Variants in NLGN1 observed in about 807,000 individuals in gnomAD.
NLGN1 encodes the protein neuroligin-1.
NLGN1 carries 12 observed loss-of-function variants against 65.5 expected under a neutral mutation model. The ratio of observed to expected loss-of-function variants is 0.18; its 90% CI spans 0.12 to 0.30. The LOEUF (loss-of-function observed/expected upper bound fraction) is 0.30, where lower values mean the gene tolerates loss of function less well. Ranked by LOEUF, NLGN1 falls within the 10% of genes least tolerant of loss-of-function variation. The probability of loss-of-function intolerance (pLI) is 1.00; values close to 1 mark genes in which losing one functional copy is unlikely to be tolerated. For missense variants in NLGN1, 750 were observed against 1,007.1 expected, an observed-to-expected ratio of 0.74 and a Z score of 3.46; for synonymous variants, 350 against 359.5, an observed-to-expected ratio of 0.97 and a Z score of 0.30.
At chr3:174,109,489 C>G (rs950122610) in intron 4 of NLGN1, among the ~76,000 whole-genome samples, 2 of 152,006 alleles carry the variant, frequency 1.3e-5, no homozygotes, top group African/African-American at 4.8e-5. Flanking sequence ...TTTGACCATG[C>G]ACATTTTATT....
At chr3:174,028,383 C>CAGATGGACATG (rs1233860921) in intron 4 of NLGN1, among the ~76,000 whole-genome samples, 1 of 152,190 alleles carries the variant, frequency 6.6e-6, no homozygotes, top group African/African-American at 2.4e-5. Context: ...GAAATGGTCT[C>CAGATGGACATG]AGATGGACAT....
At chr3:173,703,220 C>A (rs1352492532) in intron 3 of NLGN1, among the ~76,000 whole-genome samples, 1 of 151,972 alleles carries the variant, frequency 6.6e-6, no homozygotes, top group Non-Finnish European at 1.5e-5. Flanking sequence ...TTTATAGAAC[C>A]AAATTAGTAC....
intron 3 of NLGN1, among the ~76,000 whole-genome samples, chr3:173,696,575 G>C (rs1427585975): frequency 1.3e-5 from 2 of 152,124 alleles, no homozygotes; most frequent in Non-Finnish European, 2.9e-5. Context: ...GCATCGTTGA[G>C]GAAGGAGTAG....
chr3:173,685,624 T>C lies in NLGN1; in HGVS notation c.493+80533T>C. 10 of 984,388 alleles carry C rather than the reference T, an allele frequency of 1.0e-5. No homozygotes were observed. The South Asian group carries it at 3.3e-4, about 32-fold the overall frequency. 61.0% of individuals were successfully genotyped at this position (984,388 alleles called of 1,614,324 possible). The stretch of plus-strand genomic sequence containing the variant: ...TTATCAGAGATAGGCTGGAAGTCAA[T>C]GATTTAAGATGGTGAGCTCTAAGTT... On this transcript the variant is annotated intron_variant, in intron 3 of 6. Transcript: ENST00000457714.
chr3:173,849,919 A>G (rs139331505), intron 4 of NLGN1, among the ~76,000 whole-genome samples: 1 of 152,316 alleles, frequency 6.6e-6, no homozygotes, highest in East Asian at 1.9e-4. Flanking sequence ...AATGTAATAC[A>G]GTAATATACT....
chr3:174,247,135 T>C (rs1411918063), intron 4 of NLGN1, among the ~76,000 whole-genome samples: 1 of 152,232 alleles, frequency 6.6e-6, no homozygotes, highest in Non-Finnish European at 1.5e-5. Flanking sequence ...TGCATGCCTC[T>C]TCACAATGCC....
At chr3:173,483,939 C>T (rs530793647) in intron 2 of NLGN1, among the ~76,000 whole-genome samples, 32 of 152,248 alleles carry the variant, frequency 2.1e-4, no homozygotes, top group African/African-American at 7.5e-4. Flanking sequence ...GTTTATAATA[C>T]AGTCAGCAGT....
At chr3:174,213,127 C>A (rs1174556028) in intron 4 of NLGN1, among the ~76,000 whole-genome samples, 1 of 152,158 alleles carries the variant, frequency 6.6e-6, no homozygotes, top group Non-Finnish European at 1.5e-5. Flanking sequence ...ATGTGGACAT[C>A]ATCAGAGGCC....
intron 5 of NLGN1, among the ~76,000 whole-genome samples, chr3:174,276,704 T>A (rs1254591856): frequency 6.6e-6 from 1 of 151,864 alleles, no homozygotes; most frequent in Non-Finnish European, 1.5e-5. Context: ...ATTAACATAG[T>A]TTACATAACA....
intron 2 of NLGN1, among the ~76,000 whole-genome samples, chr3:173,595,078 T>G (rs953453943): frequency 6.6e-6 from 1 of 152,240 alleles, no homozygotes; most frequent in African/African-American, 2.4e-5. Flanking sequence ...ACCATTGTCC[T>G]GGGGATTAAC....
chr3:173,797,690 C>T (rs1578481792), intron 3 of NLGN1, among the ~76,000 whole-genome samples: 1 of 50,866 alleles, frequency 2.0e-5, no homozygotes, highest in South Asian at 3.3e-4. Flanking sequence ...AAAACAACAA[C>T]AACAACAACA....
At chr3:173,615,578 T>A (rs1317402564) in intron 3 of NLGN1, among the ~76,000 whole-genome samples, 1 of 152,112 alleles carries the variant, frequency 6.6e-6, no homozygotes, top group Non-Finnish European at 1.5e-5. Flanking sequence ...TTCCCCATAA[T>A]AAAACATTTA....
chr3:174,285,338 A>T (rs989344898), exon 7 of NLGN1: 9 of 151,478 alleles, frequency 5.9e-5, no homozygotes, highest in African/African-American at 2.2e-4. Context: ...TCACTTTTTA[A>T]TGTGAGTGGA....
At chr3:173,609,594 T>C (rs527914218) in intron 3 of NLGN1, among the ~76,000 whole-genome samples, 1 of 152,116 alleles carries the variant, frequency 6.6e-6, no homozygotes, top group South Asian at 2.1e-4. Flanking sequence ...CAGAATGTTC[T>C]TCCTTTTTGC....
intron 4 of NLGN1, among the ~76,000 whole-genome samples, chr3:174,247,123 T>TAG (rs1743936787): frequency 6.6e-6 from 1 of 152,234 alleles, no homozygotes; most frequent in Non-Finnish European, 1.5e-5. Flanking sequence ...TAGGAAAGAC[T>TAG]GTGCATGCCT....
intron 1 of NLGN1, among the ~76,000 whole-genome samples, chr3:173,401,587 C>T (rs977071391): frequency 1.3e-5 from 2 of 152,026 alleles, no homozygotes; most frequent in Non-Finnish European, 1.5e-5. Context: ...CTTCCATTCT[C>T]GTATCACTGC....
chr3:173,524,221 C>G (rs375354305), intron 2 of NLGN1, among the ~76,000 whole-genome samples: 6 of 151,932 alleles, frequency 3.9e-5, no homozygotes, highest in Non-Finnish European at 7.4e-5. Flanking sequence ...CCACTGTGCC[C>G]GGCCTCATAT....
In NLGN1 at chr3:173,539,741, T is replaced by TGTACATATGCACATACATACATATAG. The variant is rs1189543885; in HGVS notation, c.-320-64530_-320-64529insGCACATACATACATATAGGTACATAT. Among the ~76,000 whole-genome samples the TGTACATATGCACATACATACATATAG allele has an allele frequency of 2.3e-5, 3 of 129,978 alleles. No individual in the cohort carries two copies. In the East Asian group the frequency reaches 6.5e-4, roughly 28 times the overall value. 85.3% of individuals were successfully genotyped at this position (129,978 alleles called of 152,430 possible). On this transcript the variant is annotated intron_variant, in intron 2 of 6. Transcript: ENST00000457714. Reference sequence around the variant, plus strand: ...GTACATATGCACATATATACATATATGTACATATATAACATATACATGTAC... The same window carrying TGTACATATGCACATACATACATATAG: ...GTACATATGCACATATATACATATATGTACATATGCACATACATACATATAGGTACATATATAACATATACATGTAC...
chr3:173,475,550 C>T (rs540662813), intron 2 of NLGN1, among the ~76,000 whole-genome samples: 3 of 152,124 alleles, frequency 2.0e-5, no homozygotes, highest in African/African-American at 7.2e-5. Flanking sequence ...TAATTTTTTT[C>T]TTATAATTCT....
Sources: allele counts gnomAD v4.1 joint callset (sites outside exome capture counted in the v4.1 genomes callset), GRCh38; gene constraint gnomAD v4.1.1; transcripts MANE v1.5; gene names NCBI Gene and HGNC (gene_info 2026-07-23, HGNC 2026-07-21).